CTSF: variants seen among roughly 807,000 people sequenced by gnomAD.
CTSF encodes the protein cathepsin F.
In CTSF, 65 loss-of-function variants were observed where a neutral mutation model predicts 63.5. That is an observed-to-expected ratio of 1.02 (90% CI 0.84 to 1.26). The LOEUF (loss-of-function observed/expected upper bound fraction) is 1.26. Ranked by LOEUF, CTSF falls within the 50% of genes most tolerant of loss-of-function variation. The pLI is 0.00. For missense variants in CTSF, 641 were observed against 631.0 expected (o/e 1.02, Z -0.17); for synonymous variants, 256 against 258.1 (o/e 0.99, Z 0.08).
intron 8 of CTSF, 133 bp downstream of exon 8, chr11:66,565,538 G>T (rs1857908957): frequency 2.6e-5 from 34 of 1,289,686 alleles, no homozygotes; most frequent in Non-Finnish European, 3.7e-5. Context: ...CACCACGCCT[G>T]GCTGGGTCAG....
Position 66,568,365 on chromosome 11 carries a change from G to C in CTSF, c.122C>G (p.Ala41Gly), listed in dbSNP as rs1209428393. The C allele has an allele frequency of 1.5e-6, 2 of 1,303,604 alleles. No individual in the cohort carries two copies. The highest frequency in any genetic ancestry group is 1.9e-6 in the Non-Finnish European group (2 of 1,034,326). 80.8% of individuals were successfully genotyped at this position (1,303,604 alleles called of 1,614,324 possible). The change falls in exon 1 of 13, where the codon GCG becomes GGG. Residue 41 changes from alanine to glycine, a missense_variant. By Grantham distance (60) the Ala-to-Gly change is moderately conservative (BLOSUM62 0). Transcript: ENST00000310325. The stretch of plus-strand genomic sequence containing the variant: ...CATCTCCAGCGCGAAGCGGGTGGGC[G>C]CCAGCAGCTCCGGGGACGGCGGCCC... Reference protein sequence around the residue: ...AWGPPSPELLAPTRFALEMFN... With the variant: ...AWGPPSPELLGPTRFALEMFN...
At position 66,564,948 on chromosome 11, in the gene CTSF, G is replaced by C. The variant is rs758200986; in HGVS notation, c.1104C>G (p.Phe368Leu). Residue 368 changes from phenylalanine to leucine, a missense_variant, in exon 9 of 13, where the codon TTC (phenylalanine) becomes TTG (leucine). Coordinates refer to ENST00000310325, the MANE Select transcript of CTSF (RefSeq NM_003793.4). ...SYQGHMQSCN[F>L]SAEKAKVYIN... Reference sequence around the variant, plus strand: ...TGTAGACCTTGGCCTTCTCTGCTGAGAAGTTGCAGGACTGCATGTGACCCT... The same window carrying C: ...TGTAGACCTTGGCCTTCTCTGCTGACAAGTTGCAGGACTGCATGTGACCCT... 5 of 1,601,140 alleles carry C rather than the reference G, an allele frequency of 3.1e-6. No homozygotes were observed. The South Asian group carries it at 3.3e-5, about 11-fold the overall frequency.
At chr11:66,565,158 TG>T (rs1303942217) in intron 8 of CTSF, 152 bp from the exon 9 acceptor site, 1 of 1,341,620 alleles carries the variant, frequency 7.5e-7, no homozygotes, top group Non-Finnish European at 9.9e-7. Context: ...ATTCTAGAAA[TG>T]ACACATCTGA....
At position 66,564,985 on chromosome 11, in the gene CTSF, T is replaced by A; in HGVS notation, c.1067A>T (p.Asp356Val). 1 of 1,575,550 alleles carries A rather than the reference T, an allele frequency of 6.3e-7. No homozygotes were observed. Among genetic ancestry groups the A allele is most frequent in the South Asian group, 1.2e-5 (1 of 84,842 alleles). The change falls in exon 9 of 13, where the codon GAC (aspartate) becomes GTC (valine). Residue 356 changes from aspartate to valine, a missense_variant. By Grantham distance (152) the Asp-to-Val change is radical (BLOSUM62 -3). Coordinates refer to ENST00000310325, the MANE Select transcript of CTSF (RefSeq NM_003793.4). ...CTGCATGTGACCCTGGTAGCTGTAG[T>A]CATCCTCTGTCTCCAGCCCTCCTGG... ...KNLGGLETEDDYSYQGHMQSC... is the reference protein window; with the variant it reads ...KNLGGLETEDVYSYQGHMQSC...
intron 6 of CTSF, 41 bp downstream of exon 6, chr11:66,565,981 G>A: frequency 1.2e-6 from 2 of 1,614,088 alleles, no homozygotes; most frequent in South Asian, 1.1e-5. Flanking sequence ...GTCAGCCCCA[G>A]TGCAGTGCCC....
Position 66,566,096 on chromosome 11 carries a change from TG to T in CTSF, c.792del (p.Lys265SerfsTer81). ...RKEPGNKMKQ[A>X]KSVGDLAPPE... ...GGTGGGGCGAGGTCACCCACAGACT[TG>T]GCTTGCTTCATCTTGTTGCCAGGCT... On this transcript the variant is annotated frameshift_variant, in exon 6 of 13. Coordinates refer to ENST00000310325, the MANE Select transcript of CTSF (RefSeq NM_003793.4). LOFTEE classifies it high-confidence loss of function. The T allele has an allele frequency of 6.2e-7, 1 of 1,614,132 alleles. No homozygotes were observed. The highest frequency in any genetic ancestry group is 8.5e-7 in the Non-Finnish European group (1 of 1,180,010).
At chr11:66,566,899 T>C (rs1343054146) in intron 4 of CTSF, among the ~76,000 whole-genome samples, 1 of 150,744 alleles carries the variant, frequency 6.6e-6, no homozygotes, top group Non-Finnish European at 1.5e-5. Context: ...ATTTTTGTAC[T>C]TTTTTTTTAG....
At chr11:66,566,726 T>G (rs1857940193) in intron 4 of CTSF, among the ~76,000 whole-genome samples, 1 of 150,398 alleles carries the variant, frequency 6.6e-6, no homozygotes, top group South Asian at 2.1e-4. Context: ...ATGCAGAGCT[T>G]CTTTTTTTTT....
intron 11 of CTSF, 52 bp downstream of exon 11, chr11:66,564,506 T>A (rs1590814913): frequency 6.9e-7 from 1 of 1,456,428 alleles, no homozygotes; most frequent in East Asian, 2.5e-5. Context: ...GATGCTGTGA[T>A]CCCACCCCTG....
Position 66,567,636 on chromosome 11 carries a change from C to T in CTSF, c.339G>A (p.Glu113=). The T allele has an allele frequency of 6.2e-7, 1 of 1,614,118 alleles. No homozygotes were observed. Among genetic ancestry groups the T allele is most frequent in the East Asian group, 2.2e-5 (1 of 44,884 alleles). ...TCCGCAGCAGCACGTGTCTTCCGAGCTCATCCAGGACTTGGAAGCTGCAGA... is the reference window on the plus strand; with the variant it reads ...TCCGCAGCAGCACGTGTCTTCCGAGTTCATCCAGGACTTGGAAGCTGCAGA... ...TLLCSFQVLD[E]LGRHVLLRKD... is the part of the protein sequence containing the mutation. Residue 113 remains glutamate, a synonymous_variant, in exon 3 of 13, where the codon GAG becomes GAA. Coordinates refer to ENST00000310325, the MANE Select transcript of CTSF (RefSeq NM_003793.4).
intron 11 of CTSF, 82 bp downstream of exon 11, chr11:66,564,476 T>C (rs1197951456): frequency 8.0e-7 from 1 of 1,257,086 alleles, no homozygotes; most frequent in African/African-American, 1.5e-5. Context: ...TTCCCCCTAT[T>C]TCCCCTCTAG....
rs1857949426 is a variant in CTSF, at chr11:66,567,191, TG to T, written c.607+54del. On this transcript the variant is annotated intron_variant, in intron 4 of 12. Transcript: ENST00000310325. ...CCTCCCACACACCAAGGTGCCAAGTTGGGGGGAAAGTCCTGTTCTGATAGGA... is the reference window on the plus strand; with the variant it reads ...CCTCCCACACACCAAGGTGCCAAGTTGGGGGAAAGTCCTGTTCTGATAGGA... 5.9e-5 allele frequency: 93 copies of T among 1,575,480 alleles called. 4 individuals carry two copies. In the South Asian group the frequency reaches 9.4e-4, roughly 16 times the overall value.
In CTSF at chr11:66,568,039, T is replaced by TCCTCCAGGGTGG; in HGVS notation, c.245_256dup (p.Ala82_Glu85dup). 1.2e-6 allele frequency: 2 copies of TCCTCCAGGGTGG among 1,602,420 alleles called. No homozygotes were observed. The highest frequency in any genetic ancestry group is 1.7e-6 in the Non-Finnish European group (2 of 1,175,668). ...CACCATGGGGTCGTTGCAGGGTGGC[T>TCCTCCAGGGTGG]CCTCCAGGGTGGCCTCCAGGGAGTA... On this transcript the variant is annotated inframe_insertion, in exon 2 of 13. Coordinates refer to ENST00000310325, the MANE Select transcript of CTSF (RefSeq NM_003793.4).
chr11:66,563,505 G>C lies in CTSF; in HGVS notation c.*428C>G, dbSNP rs905165249. ...TCTTTATTGCTGTTAGAAAAGGGTG[G>C]TTACAAGTTTCCTGGACATGGAGAG... is the stretch of plus-strand genomic sequence containing the variant. On this transcript the variant is annotated 3_prime_UTR_variant, in exon 13 of 13. Coordinates refer to ENST00000310325, the MANE Select transcript of CTSF (RefSeq NM_003793.4). 22 of 442,496 alleles carry C rather than the reference G, an allele frequency of 5.0e-5. No homozygotes were observed. The highest frequency in any genetic ancestry group is 1.2e-3 in the Middle Eastern group (2 of 1,710). The allele number at this position is 442,496 out of a possible 1,614,324, so 27.4% of individuals were successfully genotyped here.
At chr11:66,567,383 G>A (rs562176915) in intron 3 of CTSF, 61 bp downstream of exon 3, 74 of 1,613,068 alleles carry the variant, frequency 4.6e-5, no homozygotes, top group Middle Eastern at 1.6e-4. Context: ...GAAGGGAGAA[G>A]GGTGATGAGG....
intron 8 of CTSF, 46 bp downstream of exon 8, chr11:66,565,625 G>T: frequency 6.2e-7 from 1 of 1,608,824 alleles, no homozygotes; most frequent in South Asian, 1.1e-5. Flanking sequence ...TTCTTGTACA[G>T]GGAGAAGTGG....
chr11:66,564,016 G>A lies in CTSF; in HGVS notation c.1381-9C>T. On this transcript the variant is annotated splice_polypyrimidine_tract_variant and intron_variant, in intron 12 of 12. Coordinates refer to ENST00000310325, the MANE Select transcript of CTSF (RefSeq NM_003793.4). ...TGCAAGTAGTAGTAACCCTGGGGGA[G>A]AGGGGGAGCTGGTGAGGGCACCAGG... 6.2e-7 allele frequency: 1 copy of A among 1,613,868 alleles called. No individual in the cohort carries two copies. Among genetic ancestry groups the A allele is most frequent in the Non-Finnish European group, 8.5e-7 (1 of 1,179,930 alleles).
In CTSF at chr11:66,565,720, G is replaced by GC. The variant is rs1857913809; in HGVS notation, c.995_996insG (p.Cys333LeufsTer24). On this transcript the variant is annotated frameshift_variant, in exon 8 of 13. Transcript: ENST00000310325. LOFTEE classifies it high-confidence loss of function. Reference sequence around the variant, plus strand: ...CATTGGAGGGCAAGCCGCCCATGCAGGCCTTGTCCATCTTGTCACAGTCCA... The same window carrying GC: ...CATTGGAGGGCAAGCCGCCCATGCAGCGCCTTGTCCATCTTGTCACAGTCCA... 1 of 1,613,726 alleles carries GC rather than the reference G, an allele frequency of 6.2e-7. No homozygotes were observed. Among genetic ancestry groups the GC allele is most frequent in the African/African-American group, 1.3e-5 (1 of 74,942 alleles).
In CTSF at chr11:66,568,384, G is replaced by A. The variant is rs906858781; in HGVS notation, c.103C>T (p.Pro35Ser). 1.9e-5 allele frequency: 25 copies of A among 1,308,402 alleles called. No individual in the cohort carries two copies. The African/African-American group carries it at 2.8e-4, about 15-fold the overall frequency. The allele number at this position is 1,308,402 out of a possible 1,614,324, so 81.0% of individuals were successfully genotyped here. The part of the protein sequence containing the change: ...RAASFQAWGP[P>S]SPELLAPTRF... ...GTGGGCGCCAGCAGCTCCGGGGACG[G>A]CGGCCCCCAGGCCTGAAAGCTGGCG... Residue 35 changes from proline (P) to serine (S), a missense_variant, in exon 1 of 13, where the codon CCG becomes TCG. Physicochemically the swap from Pro to Ser is moderately conservative, Grantham distance 74. Coordinates refer to ENST00000310325, the MANE Select transcript of CTSF (RefSeq NM_003793.4).
Sources: allele counts gnomAD v4.1 joint callset (sites outside exome capture counted in the v4.1 genomes callset), GRCh38; gene constraint gnomAD v4.1.1; transcripts MANE v1.5; gene names NCBI Gene and HGNC (gene_info 2026-07-23, HGNC 2026-07-21).